The following DYSF variants were observed in gnomAD, a reference collection of about 807,000 sequenced individuals.
DYSF encodes dystrophy-associated fer-1-like 1.
DYSF carries 212 observed loss-of-function variants against 274.9 expected under a neutral mutation model. The ratio of observed to expected loss-of-function variants is 0.77; its 90% CI spans 0.69 to 0.86. The LOEUF (loss-of-function observed/expected upper bound fraction) is 0.86, where lower values mean the gene tolerates loss of function less well. DYSF is among the 40% of genes least tolerant of loss of function. The pLI, the probability that DYSF is intolerant of heterozygous loss-of-function variation, is 0.00. For synonymous variants in DYSF, 1,091 were observed against 1,078.7 expected, an observed-to-expected ratio of 1.01 and a Z score of -0.22; for missense variants, 2,666 against 2,783.2, an observed-to-expected ratio of 0.96 and a Z score of 0.95.
rs758231447 is a variant in DYSF, at chr2:71,466,944, C to G, written c.91+11C>G. On this transcript the variant is annotated intron_variant, in intron 1 of 55. Transcript: ENST00000410020. Reference sequence around the variant, plus strand: ...GCCTGACTTTCCGAGGTGAGAGCCCCGTGGCTGCCGCGCCCATGCTCGGGT... The same window carrying G: ...GCCTGACTTTCCGAGGTGAGAGCCCGGTGGCTGCCGCGCCCATGCTCGGGT... 3 of 1,548,572 alleles carry G rather than the reference C, an allele frequency of 1.9e-6. No homozygotes were observed. In the East Asian group the frequency reaches 7.3e-5, roughly 38 times the overall value.
At chr2:71,488,824 C>T (rs1376887826) in intron 3 of DYSF, among the ~76,000 whole-genome samples, 1 of 152,134 alleles carries the variant, frequency 6.6e-6, no homozygotes, top group Non-Finnish European at 1.5e-5. Context: ...CACTGAGGGG[C>T]CTCTCACCTG....
intron 17 of DYSF, among the ~76,000 whole-genome samples, chr2:71,547,860 C>G (rs1396284344): frequency 1.3e-5 from 2 of 152,094 alleles, no homozygotes; most frequent in African/African-American, 4.8e-5. Context: ...GACTTTGCCT[C>G]TGTAAGAAGC....
At chr2:71,591,052 G>A (rs1026832296) in intron 32 of DYSF, among the ~76,000 whole-genome samples, 2 of 152,196 alleles carry the variant, frequency 1.3e-5, no homozygotes, top group Admixed American at 6.5e-5. Flanking sequence ...CAGCAGACAA[G>A]TCCCTTGTGA....
At chr2:71,508,524 T>G (rs1244037038) in intron 4 of DYSF, among the ~76,000 whole-genome samples, 1 of 152,246 alleles carries the variant, frequency 6.6e-6, no homozygotes, top group African/African-American at 2.4e-5. Context: ...CTGGATATTT[T>G]TTTGAAATTC....
intron 3 of DYSF, among the ~76,000 whole-genome samples, chr2:71,485,670 G>A (rs2083303254): frequency 6.6e-6 from 1 of 152,152 alleles, no homozygotes; most frequent in Non-Finnish European, 1.5e-5. Flanking sequence ...ACATGGATGT[G>A]AGAAAACAAC....
intron 12 of DYSF, among the ~76,000 whole-genome samples, chr2:71,522,455 A>C (rs35057979): frequency 0.49 from 74,190 of 151,760 alleles, 18,805 homozygotes; most frequent in Non-Finnish European, 0.54. Flanking sequence ...CCTTATTTGA[A>C]ACTGTCTCCT....
chr2:71,572,878 G>A (rs572015355), intron 29 of DYSF, among the ~76,000 whole-genome samples: 1 of 152,304 alleles, frequency 6.6e-6, no homozygotes, highest in South Asian at 2.1e-4. Flanking sequence ...GGTGGGCCCC[G>A]TTGGCATTCA....
At chr2:71,553,954 C>CTGCACATGCCTATGCA (rs2091151099) in intron 21 of DYSF, 23 bp downstream of exon 21, 1 of 1,614,006 alleles carries the variant, frequency 6.2e-7, no homozygotes, top group African/African-American at 1.3e-5. Context: ...TTGCCCAAAG[C>CTGCACATGCCTATGCA]TGCACATGCC....
In DYSF at chr2:71,664,350, G is replaced by A. The variant is rs368142107; in HGVS notation, c.5086G>A (p.Glu1696Lys). ...TGACTATGACCTCCTCTCCAAGGAC[G>A]AAAAGATCGGTGAGACGGTCGTCGA... ...LYDYDLLSKD[E>K]KIGETVVDLE... The change falls in exon 46 of 56, where the codon GAA becomes AAA. Residue 1696 changes from glutamate (E) to lysine (K), a missense_variant. Physicochemically the swap from Glu to Lys is moderately conservative, Grantham distance 56. Transcript: ENST00000410020. The A allele has an allele frequency of 3.7e-5, 60 of 1,614,082 alleles. No homozygotes were observed. The highest frequency in any genetic ancestry group is 4.7e-5 in the Non-Finnish European group (56 of 1,180,038).
chr2:71,673,556 C>T (rs1324343360), intron 51 of DYSF, among the ~76,000 whole-genome samples: 1 of 152,064 alleles, frequency 6.6e-6, no homozygotes, highest in East Asian at 1.9e-4. Flanking sequence ...CTTACAGCAG[C>T]GTGCTGGGAG....
chr2:71,460,530 C>A (rs2081241585), intron 1 of DYSF, among the ~76,000 whole-genome samples: 1 of 152,204 alleles, frequency 6.6e-6, no homozygotes, highest in African/African-American at 2.4e-5. Flanking sequence ...TCCATTAGAA[C>A]TTAATTCCTG....
rs541751864 is a variant in DYSF at position 71,589,752 on chromosome 2, G to A, written c.3496+66G>A. 115 of 1,439,816 alleles carry A rather than the reference G, an allele frequency of 8.0e-5. 1 individual carries two copies. In the African/African-American group the frequency reaches 1.4e-3, roughly 18 times the overall value. The allele number at this position is 1,439,816 out of a possible 1,614,324, so 89.2% of individuals were successfully genotyped here. A position where few individuals can be genotyped will look rare whatever the true frequency, so the allele number is the denominator to read the frequency against. ...TGTCACCTTATGCTTCTGTTTGGAT[G>A]GAGTTATACGATCAGATGTGTATGT... is the stretch of plus-strand genomic sequence containing the variant. On this transcript the variant is annotated intron_variant, in intron 31 of 55. Transcript: ENST00000410020.
At position 71,674,355 on chromosome 2, in the gene DYSF, G is replaced by C. The variant is rs1218349925; in HGVS notation, c.5884+59G>C. Reference sequence around the variant, plus strand: ...TGGGGGCTGCCCCAGAACCCACACTGTGTGTTTATGCCACTGTTGGACCCT... The same window carrying C: ...TGGGGGCTGCCCCAGAACCCACACTCTGTGTTTATGCCACTGTTGGACCCT... On this transcript the variant is annotated intron_variant, in intron 52 of 55. Coordinates refer to ENST00000410020, the MANE Select transcript of DYSF (RefSeq NM_001130987.2). 7 of 1,525,984 alleles carry C rather than the reference G, an allele frequency of 4.6e-6. No homozygotes were observed. The East Asian group carries it at 1.4e-4, about 29-fold the overall frequency. The allele number at this position is 1,525,984 out of a possible 1,614,324, so 94.5% of individuals were successfully genotyped here.
chr2:71,575,628 A>G (rs2092677327), intron 30 of DYSF, among the ~76,000 whole-genome samples: 1 of 152,028 alleles, frequency 6.6e-6, no homozygotes, highest in Non-Finnish European at 1.5e-5. Flanking sequence ...GGGGCTGGTG[A>G]TGATCCTGCG....
chr2:71,529,510 C>T (rs923388753), intron 14 of DYSF, among the ~76,000 whole-genome samples: 1 of 152,230 alleles, frequency 6.6e-6, no homozygotes, highest in African/African-American at 2.4e-5. Context: ...TCGGCAAGAA[C>T]TCAGAGTAGT....
At chr2:71,567,876 C>T in intron 24 of DYSF, 75 bp from the exon 25 acceptor site, 1 of 1,586,394 alleles carries the variant, frequency 6.3e-7, no homozygotes, top group Non-Finnish European at 8.6e-7. Flanking sequence ...TGGAGGACTC[C>T]TCCTCCCCAG....
At chr2:71,649,480 G>A (rs994701454) in intron 42 of DYSF, among the ~76,000 whole-genome samples, 1 of 151,998 alleles carries the variant, frequency 6.6e-6, no homozygotes, top group Non-Finnish European at 1.5e-5. Context: ...GGAGAAGGAG[G>A]GAGATAAAAT....
At chr2:71,583,263 G>A (rs2092956522) in intron 30 of DYSF, among the ~76,000 whole-genome samples, 1 of 152,132 alleles carries the variant, frequency 6.6e-6, no homozygotes, top group African/African-American at 2.4e-5. Flanking sequence ...GGGGCCCCCT[G>A]ACCCCTTTTA....
chr2:71,463,838 G>C (rs1440267362), upstream of DYSF, among the ~76,000 whole-genome samples: 2 of 152,238 alleles, frequency 1.3e-5, no homozygotes, highest in Admixed American at 6.5e-5. Flanking sequence ...TGCTCAGATA[G>C]AGTGGGATCC....
Sources: allele counts gnomAD v4.1 joint callset (sites outside exome capture counted in the v4.1 genomes callset), GRCh38; gene constraint gnomAD v4.1.1; transcripts MANE v1.5; gene names NCBI Gene and HGNC (gene_info 2026-07-23, HGNC 2026-07-21).